Variants in ZBTB7C observed in about 807,000 individuals in gnomAD.
The protein encoded by ZBTB7C is zinc finger and BTB domain-containing protein 7C.
A neutral mutation model predicts 25.7 loss-of-function variants in ZBTB7C; 8 were observed. The ratio of observed to expected loss-of-function variants is 0.31; its 90% CI spans 0.18 to 0.56. The LOEUF is 0.56. Ranked by LOEUF, ZBTB7C falls within the 20% of genes least tolerant of loss-of-function variation. The probability of loss-of-function intolerance (pLI) is 0.91; values close to 1 mark genes in which losing one functional copy is unlikely to be tolerated. For missense variants in ZBTB7C, 824 were observed against 855.2 expected (o/e 0.96, Z 0.46); for synonymous variants, 394 against 369.0 (o/e 1.07, Z -0.78).
At chr18:48,403,935 G>A (rs918342978) in intron 1 of ZBTB7C, among the ~76,000 whole-genome samples, 2 of 152,010 alleles carry the variant, frequency 1.3e-5, no homozygotes, top group East Asian at 3.9e-4. Flanking sequence ...AAAAAATAAT[G>A]TGAAGCCTCT....
intron 1 of ZBTB7C, among the ~76,000 whole-genome samples, chr18:48,354,438 A>C (rs1347760746): frequency 6.6e-6 from 1 of 152,232 alleles, no homozygotes; most frequent in African/African-American, 2.4e-5. Context: ...TCGTTCTCAC[A>C]GACCATCCAA....
intron 1 of ZBTB7C, among the ~76,000 whole-genome samples, chr18:48,393,287 A>C (rs1278255771): frequency 8.7e-6 from 1 of 114,810 alleles, no homozygotes; most frequent in Non-Finnish European, 1.7e-5. Context: ...GGCCTGCTCC[A>C]ACCACCACAC....
chr18:48,312,591 C>T (rs1341481791), intron 2 of ZBTB7C, among the ~76,000 whole-genome samples: 6 of 152,194 alleles, frequency 3.9e-5, no homozygotes, highest in Non-Finnish European at 7.3e-5. Context: ...GGACAAGCTA[C>T]TTAAATTCTC....
intron 4 of ZBTB7C, among the ~76,000 whole-genome samples, chr18:48,033,850 C>T (rs957453738): frequency 6.6e-6 from 1 of 152,104 alleles, no homozygotes; most frequent in African/African-American, 2.4e-5. Context: ...GAGGTGGTGC[C>T]GGGCACACTC....
At chr18:48,088,686 C>T (rs914028152) in intron 3 of ZBTB7C, among the ~76,000 whole-genome samples, 21 of 151,636 alleles carry the variant, frequency 1.4e-4, no homozygotes, top group Admixed American at 5.3e-4. Flanking sequence ...AAAAATTAGC[C>T]GGGTGTGGTG....
chr18:48,392,696 T>C (rs528729031), intron 1 of ZBTB7C, among the ~76,000 whole-genome samples: 1 of 152,316 alleles, frequency 6.6e-6, no homozygotes, highest in East Asian at 1.9e-4. Context: ...GAAAGCACAG[T>C]GTCCTTACTA....
At chr18:48,320,835 C>G (rs552174199) in intron 2 of ZBTB7C, among the ~76,000 whole-genome samples, 1 of 152,326 alleles carries the variant, frequency 6.6e-6, no homozygotes, top group East Asian at 1.9e-4. Flanking sequence ...ACTCCTCCTA[C>G]AGCCAGCCTG....
chr18:48,125,349 T>C (rs1442538895), intron 3 of ZBTB7C, among the ~76,000 whole-genome samples: 3 of 152,166 alleles, frequency 2.0e-5, no homozygotes, highest in Non-Finnish European at 4.4e-5. Context: ...CTGGACTAGA[T>C]AGTGTCCGTA....
At chr18:48,055,753 C>T (rs2144284355) in intron 3 of ZBTB7C, among the ~76,000 whole-genome samples, 1 of 152,336 alleles carries the variant, frequency 6.6e-6, no homozygotes, top group Non-Finnish European at 1.5e-5. Flanking sequence ...AGAGTAGCTA[C>T]CCTTTCCCTC....
chr18:48,365,684 G>C (rs2047206341), intron 1 of ZBTB7C, among the ~76,000 whole-genome samples: 1 of 151,922 alleles, frequency 6.6e-6, no homozygotes, highest in Non-Finnish European at 1.5e-5. Context: ...GCCATGCAGA[G>C]ACTCCTAGCC....
At chr18:48,232,468 T>C (rs1341808942) in intron 2 of ZBTB7C, among the ~76,000 whole-genome samples, 4 of 151,706 alleles carry the variant, frequency 2.6e-5, no homozygotes. Flanking sequence ...TTGTGAGTGA[T>C]ACTATCCTGG....
intron 1 of ZBTB7C, among the ~76,000 whole-genome samples, chr18:48,387,353 C>G (rs1210067059): frequency 6.6e-6 from 1 of 152,166 alleles, no homozygotes; most frequent in African/African-American, 2.4e-5. Context: ...AAGGAATGTA[C>G]TGCATTAATC....
intron 1 of ZBTB7C, among the ~76,000 whole-genome samples, chr18:48,404,623 C>T (rs1002279324): frequency 3.3e-5 from 5 of 152,170 alleles, no homozygotes; most frequent in Admixed American, 1.3e-4. Flanking sequence ...CTGGGGTTAG[C>T]GGTATGGAGG....
intron 2 of ZBTB7C, among the ~76,000 whole-genome samples, chr18:48,237,688 G>A (rs138002252): frequency 1.3e-5 from 2 of 150,716 alleles, no homozygotes; most frequent in African/African-American, 4.9e-5. Flanking sequence ...ATGTTATCCA[G>A]TAAAAAGAAA....
chr18:48,060,781 T>C (rs1269495680), intron 3 of ZBTB7C, among the ~76,000 whole-genome samples: 2 of 152,074 alleles, frequency 1.3e-5, no homozygotes, highest in Non-Finnish European at 2.9e-5. Context: ...GGAAAATAGG[T>C]GCTATTGTGA....
intron 1 of ZBTB7C, among the ~76,000 whole-genome samples, chr18:48,343,073 A>C (rs1394981315): frequency 6.6e-6 from 1 of 152,168 alleles, no homozygotes; most frequent in East Asian, 1.9e-4. Flanking sequence ...AACAGCACTG[A>C]ATCAGTCAGT....
chr18:48,411,956 C>T (rs1296649009), upstream of ZBTB7C, among the ~76,000 whole-genome samples: 3 of 152,200 alleles, frequency 2.0e-5, no homozygotes, highest in Non-Finnish European at 4.4e-5. Context: ...GTAAACGTTG[C>T]TTTGCAATAA....
chr18:48,350,507 CT>C (rs959956086), intron 1 of ZBTB7C: 2 of 152,230 alleles, frequency 1.3e-5, no homozygotes, highest in African/African-American at 2.4e-5. Context: ...TTAATCCCAT[CT>C]GCAAAGCCCC....
In ZBTB7C at chr18:48,124,520, G is replaced by C. The variant is rs12956861; in HGVS notation, c.-17+61414C>G. Among the ~76,000 whole-genome samples, 4 of 152,204 alleles carry C rather than the reference G, an allele frequency of 2.6e-5. No homozygotes were observed. The East Asian group carries it at 7.7e-4, about 29-fold the overall frequency. On this transcript the variant is annotated intron_variant, in intron 3 of 4. Transcript: ENST00000590800. ...CTACAGAGGAGCCAGCTGGAAGGGGGTGGGGTGAATCTGCATTGCCCCCTG... is the reference window on the plus strand; with the variant it reads ...CTACAGAGGAGCCAGCTGGAAGGGGCTGGGGTGAATCTGCATTGCCCCCTG...
Sources: allele counts gnomAD v4.1 joint callset (sites outside exome capture counted in the v4.1 genomes callset), GRCh38; gene constraint gnomAD v4.1.1; transcripts MANE v1.5; gene names NCBI Gene and HGNC (gene_info 2026-07-23, HGNC 2026-07-21).